Variants in OR56A3 observed in about 807,000 individuals in gnomAD.
The protein encoded by OR56A3 is olfactory receptor 56A3.
In OR56A3, 23 loss-of-function variants were observed where a neutral mutation model predicts 17.5. The ratio of observed to expected loss-of-function variants is 1.32; its 90% confidence interval spans 0.95 to 1.87. The LOEUF is 1.87. Ranked by LOEUF, OR56A3 falls within the 40% of genes most tolerant of loss-of-function variation. OR56A3 has a pLI of 0.00. For missense variants in OR56A3, 366 were observed against 380.1 expected (o/e 0.96, Z 0.31); for synonymous variants, 175 against 150.6 (o/e 1.16, Z -1.19).
chr11:5,955,366 CTTA>C (rs1847927000), downstream of OR56A3, among the ~76,000 whole-genome samples: 1 of 152,132 alleles, frequency 6.6e-6, no homozygotes, highest in African/African-American at 2.4e-5. Context: ...TGTAAAATTT[CTTA>C]TTATTAGCAG....
the OR56A3 span, among the ~76,000 whole-genome samples, chr11:5,978,336 A>G: frequency 0.83 from 125,583 of 152,140 alleles, 51,947 homozygotes; most frequent in East Asian, 0.87. Flanking sequence ...GTTTCTATCC[A>G]TGAGCATGGA....
chr11:5,986,255 C>CA, the OR56A3 span: 33 of 1,613,720 alleles, frequency 2.0e-5, no homozygotes, highest in African/African-American at 3.2e-4. Flanking sequence ...ACATCCAGCC[C>CA]AATCACAAGC....
At chr11:5,988,281 C>T in the OR56A3 span, among the ~76,000 whole-genome samples, 51 of 150,898 alleles carry the variant, frequency 3.4e-4, no homozygotes, top group Non-Finnish European at 6.3e-4. Context: ...TCTGACTTAT[C>T]TCTAGAAATT....
the OR56A3 span, among the ~76,000 whole-genome samples, chr11:6,011,204 T>TATACATATATATATATATATATATATA: frequency 2.8e-3 from 341 of 122,450 alleles, 5 homozygotes; most frequent in Middle Eastern, 8.5e-3. Context: ...GAGATTTATT[T>TATACATATATATATATATATATATATA]TATATATATA....
At chr11:5,945,371 G>A (rs1032590376) in intron 2 of OR56A3, among the ~76,000 whole-genome samples, 5 of 151,678 alleles carry the variant, frequency 3.3e-5, no homozygotes, top group African/African-American at 4.9e-5. Context: ...TCAGGAGATC[G>A]AGACCATCCT....
At chr11:5,995,085 G>T in the OR56A3 span, 2 of 598,234 alleles carry the variant, frequency 3.3e-6, no homozygotes, top group Admixed American at 4.9e-5. Flanking sequence ...CTGGCCGGGT[G>T]CCATAGCTGG....
chr11:6,000,968 T>A, the OR56A3 span: 1 of 152,240 alleles, frequency 6.6e-6, no homozygotes, highest in African/African-American at 2.4e-5. Context: ...GGGACAGTTG[T>A]CAAACAATGC....
rs1847859943 is a variant in OR56A3 at position 5,944,954 on chromosome 11, A to G, written c.-165A>G. On this transcript the variant is annotated 5_prime_UTR_variant, in exon 2 of 3. Transcript: ENST00000641160. ...CGTCCTCCCTCCACTGACAGCAGCC[A>G]CAGTTACTAACAGGGTCTTTCTGAT... is the stretch of plus-strand genomic sequence containing the variant. The G allele has an allele frequency of 6.6e-6, 1 of 152,338 alleles. No homozygotes were observed. Among genetic ancestry groups the G allele is most frequent in the Admixed American group, 6.5e-5 (1 of 15,294 alleles). 9.4% of individuals were successfully genotyped at this position (152,338 alleles called of 1,614,324 possible). A position where few individuals can be genotyped will look rare whatever the true frequency, so the allele number is the denominator to read the frequency against.
the OR56A3 span, among the ~76,000 whole-genome samples, chr11:5,962,128 C>T: frequency 6.6e-6 from 1 of 152,142 alleles, no homozygotes; most frequent in Non-Finnish European, 1.5e-5. Flanking sequence ...AATGATTTTT[C>T]TACATAGTGA....
chr11:5,962,697 C>T, the OR56A3 span, among the ~76,000 whole-genome samples: 2 of 152,004 alleles, frequency 1.3e-5, no homozygotes, highest in African/African-American at 4.8e-5. Flanking sequence ...TGCCACCGCG[C>T]CCGGCTAATT....
chr11:6,009,036 C>T, the OR56A3 span, among the ~76,000 whole-genome samples: 1 of 151,924 alleles, frequency 6.6e-6, no homozygotes. Flanking sequence ...TGAATTGTAC[C>T]CCTAATGAAG....
the OR56A3 span, chr11:5,986,335 T>A: frequency 1.2e-6 from 2 of 1,613,908 alleles, no homozygotes; most frequent in African/African-American, 2.7e-5. Flanking sequence ...AACAGCCATA[T>A]GTTCACAATA....
chr11:5,947,200 G>A (rs531625733), intron 2 of OR56A3, 111 bp from the exon 3 acceptor site: 5 of 681,156 alleles, frequency 7.3e-6, no homozygotes, highest in South Asian at 3.9e-5. Context: ...AGATGAATTC[G>A]CTTGGCTCTA....
chr11:6,011,204 T>TATACATATATATATATATATATATATATA, the OR56A3 span, among the ~76,000 whole-genome samples: 479 of 122,354 alleles, frequency 3.9e-3, 7 homozygotes, highest in Admixed American at 6.9e-3. Context: ...GAGATTTATT[T>TATACATATATATATATATATATATATATA]TATATATATA....
chr11:5,955,835 A>G (rs10838986), downstream of OR56A3, among the ~76,000 whole-genome samples: 38,202 of 152,092 alleles, frequency 0.25, 4,833 homozygotes, highest in Non-Finnish European at 0.27. Flanking sequence ...TGGTCTGATT[A>G]TTTGGATAAA....
downstream of OR56A3, among the ~76,000 whole-genome samples, chr11:5,956,304 A>G (rs1847931726): frequency 6.6e-6 from 1 of 152,248 alleles, no homozygotes; most frequent in African/African-American, 2.4e-5. Context: ...TTAAAAATCA[A>G]TCAGATTTGC....
the OR56A3 span, among the ~76,000 whole-genome samples, chr11:5,971,599 T>C: frequency 6.6e-6 from 1 of 152,028 alleles, no homozygotes; most frequent in Admixed American, 6.5e-5. Context: ...GGAATGGGAG[T>C]AGAGAAAAAG....
chr11:5,957,763 T>A, the OR56A3 span, among the ~76,000 whole-genome samples: 1 of 152,216 alleles, frequency 6.6e-6, no homozygotes, highest in African/African-American at 2.4e-5. Context: ...AACTTTTTTT[T>A]AAAGAGAAGC....
At chr11:5,967,999 A>G in the OR56A3 span, 1 of 1,591,026 alleles carries the variant, frequency 6.3e-7, no homozygotes, top group African/African-American at 1.3e-5. Context: ...AGTCGAGAAG[A>G]AAGTATGGGG....
Sources: allele counts gnomAD v4.1 joint callset (sites outside exome capture counted in the v4.1 genomes callset), GRCh38; gene constraint gnomAD v4.1.1; transcripts MANE v1.5; gene names NCBI Gene and HGNC (gene_info 2026-07-23, HGNC 2026-07-21).